ESRRG: variants seen among roughly 807,000 people sequenced by gnomAD.
ESRRG encodes estrogen-related receptor gamma.
ESRRG carries 13 observed loss-of-function variants against 44.0 expected under a neutral mutation model. The observed-to-expected ratio is 0.30, with a 90% CI of 0.19 to 0.47. ESRRG has a LOEUF of 0.47. Among genes scored for constraint, ESRRG ranks in the 20% least tolerant of loss-of-function variants. The pLI, the probability that ESRRG is intolerant of heterozygous loss-of-function variation, is 1.00. For synonymous variants in ESRRG, 215 were observed against 214.6 expected (o/e 1.00, Z -0.02); for missense variants, 395 against 580.6 (o/e 0.68, Z 3.29).
At chr1:216,648,649 A>C (rs192206859) in intron 3 of ESRRG, among the ~76,000 whole-genome samples, 36 of 152,328 alleles carry the variant, frequency 2.4e-4, no homozygotes, top group Admixed American at 2.3e-3. Flanking sequence ...TGGTATGTAA[A>C]TCATAGCAGT....
chr1:216,912,953 C>A (rs760048859), intron 2 of ESRRG, among the ~76,000 whole-genome samples: 1 of 151,762 alleles, frequency 6.6e-6, no homozygotes, highest in East Asian at 1.9e-4. Context: ...GAAACCTCGT[C>A]TCTACTAAAA....
intron 1 of ESRRG, among the ~76,000 whole-genome samples, chr1:216,721,773 A>G (rs774710421): frequency 8.5e-5 from 13 of 152,204 alleles, no homozygotes; most frequent in Admixed American, 5.2e-4. Context: ...AAACTCTCCA[A>G]TTCTACAGCC....
chr1:216,736,411 C>A lies in ESRRG; in HGVS notation c.-13-58920G>T, dbSNP rs113028685. Among the ~76,000 whole-genome samples the A allele has an allele frequency of 5.2e-3, 791 of 151,996 alleles. 6 individuals are homozygous for A. The highest frequency in any genetic ancestry group is 0.018 in the African/African-American group (734 of 41,482). On this transcript the variant is annotated intron_variant, in intron 2 of 7. Transcript: ENST00000359162. ...TGTTAGCCAGGATGGTCTCGATCTG[C>A]GGACCTCGTGATCCACCCGCCTCGG...
chr1:216,852,731 G>C (rs1015085469), intron 2 of ESRRG, among the ~76,000 whole-genome samples: 2 of 152,118 alleles, frequency 1.3e-5, no homozygotes, highest in African/African-American at 4.8e-5. Context: ...TCAGATTAAG[G>C]TATTGAAGCC....
At chr1:216,845,063 C>T (rs1415409907) in intron 2 of ESRRG, among the ~76,000 whole-genome samples, 1 of 152,110 alleles carries the variant, frequency 6.6e-6, no homozygotes, top group Non-Finnish European at 1.5e-5. Flanking sequence ...CCCTTATTAC[C>T]TTGTTTTATT....
intron 3 of ESRRG, among the ~76,000 whole-genome samples, chr1:216,589,600 T>C (rs1212373009): frequency 6.6e-6 from 1 of 152,058 alleles, no homozygotes; most frequent in African/African-American, 2.4e-5. Flanking sequence ...TGGTGACTAC[T>C]GTACCATCCA....
intron 2 of ESRRG, among the ~76,000 whole-genome samples, chr1:216,918,875 A>G (rs940412227): frequency 6.7e-6 from 1 of 148,428 alleles, no homozygotes; most frequent in Non-Finnish European, 1.5e-5. Flanking sequence ...AGATATGTGT[A>G]TATATATATA....
rs185367277 is a variant in ESRRG, at chr1:216,954,340, A to C, written c.-105-14667T>G. On this transcript the variant is annotated intron_variant, in intron 1 of 7. Transcript: ENST00000359162. ...CCTCTTGGATGGCCATTTTCAGGAAAGCTCTGTAAAGATACTCAAGAACTC... is the reference window on the plus strand; with the variant it reads ...CCTCTTGGATGGCCATTTTCAGGAACGCTCTGTAAAGATACTCAAGAACTC... Among the ~76,000 whole-genome samples the C allele has an allele frequency of 3.3e-5, 5 of 152,234 alleles. No individual in the cohort carries two copies. In the East Asian group the frequency reaches 9.7e-4, roughly 29 times the overall value.
chr1:216,920,868 C>A (rs2061753216), intron 2 of ESRRG, among the ~76,000 whole-genome samples: 1 of 152,154 alleles, frequency 6.6e-6, no homozygotes, highest in African/African-American at 2.4e-5. Context: ...TTTAACGCAT[C>A]TTAGTGTCTA....
chr1:216,763,421 C>T (rs1295762634), intron 2 of ESRRG, among the ~76,000 whole-genome samples: 1 of 152,000 alleles, frequency 6.6e-6, no homozygotes, highest in African/African-American at 2.4e-5. Flanking sequence ...TTTTACAAAT[C>T]CCATTTGAGT....
chr1:216,798,185 C>G (rs989351251), intron 2 of ESRRG, among the ~76,000 whole-genome samples: 1 of 151,890 alleles, frequency 6.6e-6, no homozygotes, highest in African/African-American at 2.4e-5. Context: ...ACACATACTT[C>G]TTGTCTGCAA....
chr1:217,131,393 G>A (rs2092963672), intron 1 of ESRRG, among the ~76,000 whole-genome samples: 1 of 152,028 alleles, frequency 6.6e-6, no homozygotes, highest in African/African-American at 2.4e-5. Context: ...TCTTCACTTT[G>A]ATCTCAAGCA....
chr1:216,960,573 C>T (rs774998932), intron 1 of ESRRG, among the ~76,000 whole-genome samples: 4 of 118,448 alleles, frequency 3.4e-5, no homozygotes, highest in Admixed American at 8.2e-5. Flanking sequence ...TTTTATGACT[C>T]CTCCATGTGT....
chr1:216,564,191 C>T, intron 5 of ESRRG, 28 bp downstream of exon 5: 1 of 1,444,808 alleles, frequency 6.9e-7, no homozygotes, highest in South Asian at 1.5e-5. Flanking sequence ...GCAACCTTTT[C>T]TTTTCTTTTT....
intron 3 of ESRRG, among the ~76,000 whole-genome samples, chr1:216,634,997 GCTCTCTCTCTCTCTA>G (rs1185041544): frequency 6.8e-6 from 1 of 147,908 alleles, no homozygotes; most frequent in Non-Finnish European, 1.5e-5. Context: ...TTTTTTCTTT[GCTCTCTCTCTCTCTA>G]CTCTCTCTCT....
intron 2 of ESRRG, among the ~76,000 whole-genome samples, chr1:216,935,637 G>C (rs1460588717): frequency 6.6e-6 from 1 of 150,682 alleles, no homozygotes; most frequent in Non-Finnish European, 1.5e-5. Context: ...TTTTTTTGGA[G>C]ATGGAGTCTT....
At position 216,651,104 on chromosome 1, in the gene ESRRG, T is replaced by A. The variant is rs766549398; in HGVS notation, c.473-15A>T. On this transcript the variant is annotated splice_polypyrimidine_tract_variant and intron_variant, in intron 2 of 6. Transcript: ENST00000408911. ...TTCTATATTGCCTAAAACACAAGTTTGAAGAAAAGTTGTCATATTTACAAG... is the reference window on the plus strand; with the variant it reads ...TTCTATATTGCCTAAAACACAAGTTAGAAGAAAAGTTGTCATATTTACAAG... 4.0e-6 allele frequency: 6 copies of A among 1,483,778 alleles called. No homozygotes were observed. The allele number at this position is 1,483,778 out of a possible 1,614,324, so 91.9% of individuals were successfully genotyped here. A position where few individuals can be genotyped will look rare whatever the true frequency, so the allele number is the denominator to read the frequency against.
At chr1:217,006,849 T>C (rs2077815650) in intron 1 of ESRRG, among the ~76,000 whole-genome samples, 1 of 152,100 alleles carries the variant, frequency 6.6e-6, no homozygotes, top group African/African-American at 2.4e-5. Flanking sequence ...ATTTTGGATT[T>C]GGGATTTTCA....
chr1:216,539,270 T>A (rs1235977792), intron 5 of ESRRG, among the ~76,000 whole-genome samples: 1 of 151,984 alleles, frequency 6.6e-6, no homozygotes, highest in Non-Finnish European at 1.5e-5. Context: ...TGACAATTTC[T>A]TTATTTAGTG....
Sources: gnomAD v4.1 joint callset for allele counts (sites outside exome capture counted in the v4.1 genomes callset) on GRCh38, gnomAD v4.1.1 for gene constraint, MANE v1.5 for transcripts, NCBI Gene and HGNC (gene_info 2026-07-23, HGNC 2026-07-21) for gene names.